Variants in ASNS observed in about 807,000 individuals in gnomAD.
ASNS encodes the protein asparagine synthetase (glutamine-hydrolyzing).
In ASNS, 37 loss-of-function variants were observed where a neutral mutation model predicts 62.6. That is an observed-to-expected ratio of 0.59 (90% CI 0.45 to 0.78). ASNS has a LOEUF of 0.78. Ranked by LOEUF, ASNS falls within the 30% of genes least tolerant of loss-of-function variation. The probability of loss-of-function intolerance (pLI) is 0.00; values close to 1 mark genes in which losing one functional copy is unlikely to be tolerated. For synonymous variants in ASNS, 207 were observed against 237.9 expected (o/e 0.87, Z 1.19); for missense variants, 520 against 682.4 (o/e 0.76, Z 2.65).
In ASNS at chr7:97,852,375, G is replaced by A. The variant is rs373078034; in HGVS notation, c.1570C>T (p.Arg524Cys). 50 of 1,614,038 alleles carry A rather than the reference G, an allele frequency of 3.1e-5. No homozygotes were observed. In the East Asian group the frequency reaches 3.6e-4, roughly 12 times the overall value. The change falls in exon 13 of 13, where the codon CGC becomes TGC. Residue 524 changes from arginine to cysteine, a missense_variant. Physicochemically the swap from Arg to Cys is radical, Grantham distance 180. Transcript: ENST00000394308. ...CAGTCAGCCCGGCCTGGGTAATGGC[G>A]TTCAAAGACTTGACGGTAGTAATAT... Reference protein sequence around the residue: ...EGYYYRQVFERHYPGRADWLS... With the variant: ...EGYYYRQVFECHYPGRADWLS...
the ASNS span, among the ~76,000 whole-genome samples, chr7:97,911,155 G>A: frequency 3.3e-5 from 5 of 152,050 alleles, no homozygotes; most frequent in South Asian, 4.2e-4. Context: ...AGTAAATTAC[G>A]TAGGGGTGAA....
the ASNS span, among the ~76,000 whole-genome samples, chr7:97,888,330 T>C: frequency 1.3e-5 from 2 of 151,432 alleles, no homozygotes; most frequent in Non-Finnish European, 2.9e-5. Context: ...TGCTTTCTTT[T>C]TTTTTTTTTT....
In ASNS at chr7:97,853,138, T is replaced by C; in HGVS notation, c.1398A>G (p.Pro466=). The change falls in exon 12 of 13, where the codon CCA becomes CCG. Residue 466 remains proline (P), a synonymous_variant. Coordinates refer to ENST00000394308, the MANE Select transcript of ASNS (RefSeq NM_001673.5). ...TTATTCCATCACTGAAGGCTTCTTT[T>C]GGTCGCCAGAGAATCTCTTTGGGTA... ...NLIPKEILWR[P]KEAFSDGITS... The C allele has an allele frequency of 3.1e-6, 5 of 1,611,634 alleles. No homozygotes were observed. The highest frequency in any genetic ancestry group is 4.2e-6 in the Non-Finnish European group (5 of 1,179,308).
chr7:97,893,359 C>T, the ASNS span, among the ~76,000 whole-genome samples: 1 of 152,348 alleles, frequency 6.6e-6, no homozygotes, highest in Admixed American at 6.5e-5. Context: ...AAACAATGAA[C>T]AAAATGACAG....
chr7:97,918,927 C>A, the ASNS span, among the ~76,000 whole-genome samples: 1 of 151,962 alleles, frequency 6.6e-6, no homozygotes, highest in Non-Finnish European at 1.5e-5. Flanking sequence ...ACATGTATCT[C>A]AGAACGTAGA....
the ASNS span, among the ~76,000 whole-genome samples, chr7:97,899,734 G>A: frequency 8.1e-4 from 123 of 152,304 alleles, no homozygotes; most frequent in Non-Finnish European, 9.6e-4. Flanking sequence ...ACGCTGTAGC[G>A]TATGTACTTT....
rs79201528 is a variant in ASNS at position 97,864,064 on chromosome 7, A to G, written c.487+195T>C. ...AAATAAACGACTGCACTAAAGAATCATCCTTCAAGGATTACAGAATTTAAG... is the reference window on the plus strand; with the variant it reads ...AAATAAACGACTGCACTAAAGAATCGTCCTTCAAGGATTACAGAATTTAAG... On this transcript the variant is annotated intron_variant, in intron 4 of 12. Transcript: ENST00000394308. 2,428 of 537,774 alleles carry G rather than the reference A, an allele frequency of 4.5e-3. 55 individuals carry two copies. Among genetic ancestry groups the G allele is most frequent in the African/African-American group, 0.041 (2,167 of 52,818 alleles). The allele number at this position is 537,774 out of a possible 1,614,324, so 33.3% of individuals were successfully genotyped here.
In ASNS at chr7:97,856,706, T is replaced by C; in HGVS notation, c.1014A>G (p.Thr338=). The C allele has an allele frequency of 6.2e-7, 1 of 1,608,176 alleles. No individual in the cohort carries two copies. Among genetic ancestry groups the C allele is most frequent in the Non-Finnish European group, 8.5e-7 (1 of 1,177,602 alleles). Residue 338 remains threonine, a synonymous_variant, in exon 8 of 13, where the codon ACA becomes ACG. Coordinates refer to ENST00000394308, the MANE Select transcript of ASNS (RefSeq NM_001673.5). ...ATACCTTACCTACTGAAGCACGAAC[T>C]GTTGTAATGTCATAAGTTTCCAAGG... ...IFSLETYDIT[T]VRASVGMYLI...
the ASNS span, among the ~76,000 whole-genome samples, chr7:97,905,631 G>C: frequency 1.3e-5 from 2 of 152,192 alleles, no homozygotes; most frequent in Non-Finnish European, 1.5e-5. Context: ...CTCACCCCTA[G>C]ATCACTGTAT....
the ASNS span, among the ~76,000 whole-genome samples, chr7:97,907,949 A>T: frequency 6.6e-6 from 1 of 152,196 alleles, no homozygotes; most frequent in Non-Finnish European, 1.5e-5. Context: ...TTTAAAAAAA[A>T]GTCTTCATAA....
At position 97,869,035 on chromosome 7, in the gene ASNS, G is replaced by T; in HGVS notation, c.122C>A (p.Thr41Asn). The T allele has an allele frequency of 1.2e-6, 2 of 1,614,168 alleles. No individual in the cohort carries two copies. The highest frequency in any genetic ancestry group is 1.7e-6 in the Non-Finnish European group (2 of 1,180,040). ...AFRFENVNGY[T>N]NCCFGFHRLA... is the part of the protein sequence containing the mutation. ...CCGGTGAAATCCAAAGCAGCAGTTG[G>T]TGTATCCATTGACATTCTCAAAACG... The change falls in exon 3 of 13, where the codon ACC becomes AAC. Residue 41 changes from threonine (T) to asparagine (N), a missense_variant. Thr to Asn is a moderately conservative substitution (Grantham distance 65). Coordinates refer to ENST00000394308, the MANE Select transcript of ASNS (RefSeq NM_001673.5).
chr7:97,914,337 G>A, the ASNS span, among the ~76,000 whole-genome samples: 2 of 152,138 alleles, frequency 1.3e-5, no homozygotes, highest in African/African-American at 2.4e-5. Flanking sequence ...GCTTGCCTCT[G>A]TAATACTCAT....
chr7:97,889,936 A>AAAAAAAAAAAAAAAAC, the ASNS span, among the ~76,000 whole-genome samples: 1 of 148,812 alleles, frequency 6.7e-6, no homozygotes, highest in Non-Finnish European at 1.5e-5. Flanking sequence ...ACAAAAAAAA[A>AAAAAAAAAAAAAAAAC]AAAAAAAAAA....
At chr7:97,897,993 T>C in the ASNS span, among the ~76,000 whole-genome samples, 8 of 152,194 alleles carry the variant, frequency 5.3e-5, no homozygotes, top group Non-Finnish European at 1.0e-4. Flanking sequence ...GTCACAATCA[T>C]AGTTCACTGC....
rs1279235924 is a variant in ASNS, at chr7:97,853,158, TG to T, written c.1377del (p.Glu461ArgfsTer14). 1 of 1,611,918 alleles carries T rather than the reference TG, an allele frequency of 6.2e-7. No homozygotes were observed. The highest frequency in any genetic ancestry group is 1.3e-5 in the African/African-American group (1 of 74,784). The part of the protein sequence containing the change: ...RETFEDSNLI[P>X]KEILWRPKEA... ...TCTTTTGGTCGCCAGAGAATCTCTT[TG>T]GGTATCAGATTGGAATCCTCAAACG... On this transcript the variant is annotated frameshift_variant, in exon 12 of 13. Transcript: ENST00000394308. LOFTEE classifies it high-confidence loss of function.
the ASNS span, among the ~76,000 whole-genome samples, chr7:97,884,039 C>T: frequency 2.5e-4 from 38 of 151,192 alleles, no homozygotes; most frequent in Admixed American, 5.3e-4. Flanking sequence ...TGAGCACACA[C>T]TATCTCATTC....
rs6465630 is a variant in ASNS, at chr7:97,869,223, A to G, written c.-23-44T>C. On this transcript the variant is annotated intron_variant, in intron 2 of 12. Transcript: ENST00000394308. ...ACAAATCAAAAATATTCAATATCCA[A>G]TCCAACTCTGCATTAAATCTTGATT... 0.32 allele frequency: 507,286 copies of G among 1,574,832 alleles called. 84,944 individuals are homozygous for G. Among genetic ancestry groups the G allele is most frequent in the African/African-American group, 0.54 (40,149 of 73,918 alleles).
chr7:97,916,384 A>AAAAG, the ASNS span, among the ~76,000 whole-genome samples: 1 of 152,182 alleles, frequency 6.6e-6, no homozygotes, highest in African/African-American at 2.4e-5. Context: ...TCCGTCTCAA[A>AAAAG]AAAGAAAGAA....
intron 8 of ASNS, among the ~76,000 whole-genome samples, chr7:97,855,905 A>T (rs1791413745): frequency 6.6e-6 from 1 of 152,068 alleles, no homozygotes; most frequent in Admixed American, 6.5e-5. Context: ...AGCTGGGGAG[A>T]CTATATAAGT....
Sources: gnomAD v4.1 joint callset for allele counts (sites outside exome capture counted in the v4.1 genomes callset) on GRCh38, gnomAD v4.1.1 for gene constraint, MANE v1.5 for transcripts, NCBI Gene and HGNC (gene_info 2026-07-23, HGNC 2026-07-21) for gene names.